The following CNTN5 variants were observed in gnomAD, a reference collection of about 807,000 sequenced individuals.
CNTN5 encodes the protein contactin-5.
CNTN5 carries 77 observed loss-of-function variants against 129.1 expected under a neutral mutation model. The observed-to-expected ratio is 0.60, with a 90% CI of 0.50 to 0.72. The LOEUF is 0.72. CNTN5 is among the 30% of genes least tolerant of loss of function. The pLI is 0.00. For synonymous variants in CNTN5, 509 were observed against 465.6 expected (o/e 1.09, Z -1.20); for missense variants, 1,478 against 1,328.8 (o/e 1.11, Z -1.75).
At chr11:99,930,280 A>G (rs1172102784) in intron 7 of CNTN5, among the ~76,000 whole-genome samples, 5 of 152,126 alleles carry the variant, frequency 3.3e-5, no homozygotes, top group Non-Finnish European at 7.4e-5. Context: ...AAAGGTCACA[A>G]TCTGCCATTT....
chr11:100,014,671 A>G (rs1359099595), intron 9 of CNTN5, among the ~76,000 whole-genome samples: 1 of 152,162 alleles, frequency 6.6e-6, no homozygotes, highest in African/African-American at 2.4e-5. Context: ...TGCTGCTTTC[A>G]TAGGCCCTGC....
chr11:99,648,234 T>A (rs908649395), intron 3 of CNTN5, among the ~76,000 whole-genome samples: 1 of 151,988 alleles, frequency 6.6e-6, no homozygotes, highest in African/African-American at 2.4e-5. Flanking sequence ...GTTTATTGAT[T>A]TGCATATCAT....
intron 1 of CNTN5, among the ~76,000 whole-genome samples, chr11:99,100,098 G>A (rs1484751335): frequency 6.6e-6 from 1 of 152,044 alleles, no homozygotes; most frequent in Non-Finnish European, 1.5e-5. Context: ...ATTTTATAAA[G>A]TAATGACCCA....
intron 3 of CNTN5, among the ~76,000 whole-genome samples, chr11:99,733,560 C>A (rs1338611645): frequency 6.6e-6 from 1 of 152,004 alleles, no homozygotes; most frequent in South Asian, 2.1e-4. Flanking sequence ...TTTGTCTCCA[C>A]AATTGCTTTT....
chr11:99,204,916 C>G (rs1478675623), intron 1 of CNTN5, among the ~76,000 whole-genome samples: 3 of 152,132 alleles, frequency 2.0e-5, no homozygotes, highest in Non-Finnish European at 1.5e-5. Flanking sequence ...GCTTTCTAAG[C>G]TTGATTGACA....
chr11:99,299,695 A>C (rs980111818), intron 1 of CNTN5, among the ~76,000 whole-genome samples: 1 of 152,114 alleles, frequency 6.6e-6, no homozygotes, highest in Non-Finnish European at 1.5e-5. Context: ...ATGGTCCCCA[A>C]CTCAATCCAT....
chr11:100,053,628 T>C (rs1592721), intron 9 of CNTN5, among the ~76,000 whole-genome samples: 72 of 151,878 alleles, frequency 4.7e-4, no homozygotes, highest in African/African-American at 1.7e-3. Context: ...GGTAGACATG[T>C]TAAATTATAC....
At chr11:99,152,266 C>T (rs556186190) in intron 1 of CNTN5, among the ~76,000 whole-genome samples, 1 of 152,230 alleles carries the variant, frequency 6.6e-6, no homozygotes, top group East Asian at 1.9e-4. Flanking sequence ...AGTATAGCAA[C>T]TTAAGAACTT....
intron 6 of CNTN5, among the ~76,000 whole-genome samples, chr11:99,864,567 T>C (rs561897997): frequency 1.7e-3 from 256 of 152,286 alleles, no homozygotes; most frequent in African/African-American, 6.0e-3. Context: ...CTCAGCTGCC[T>C]GGCATGCTGA....
At chr11:100,237,689 G>GA (rs946144243) in intron 16 of CNTN5, among the ~76,000 whole-genome samples, 21 of 151,466 alleles carry the variant, frequency 1.4e-4, no homozygotes, top group South Asian at 2.1e-4. Context: ...TTAATGCCAA[G>GA]AAAAAAAAGG....
chr11:99,118,824 A>G (rs200685511), intron 1 of CNTN5, among the ~76,000 whole-genome samples: 1 of 151,958 alleles, frequency 6.6e-6, no homozygotes, highest in Non-Finnish European at 1.5e-5. Flanking sequence ...AGAAAAATAG[A>G]TACAGAATAA....
intron 17 of CNTN5, among the ~76,000 whole-genome samples, chr11:100,270,296 A>C (rs959980936): frequency 2.0e-5 from 3 of 152,216 alleles, no homozygotes; most frequent in Non-Finnish European, 4.4e-5. Context: ...GAGTCCTCAA[A>C]TCAAAATCCC....
At chr11:100,063,848 C>G (rs909512851) in intron 10 of CNTN5, among the ~76,000 whole-genome samples, 4 of 152,068 alleles carry the variant, frequency 2.6e-5, no homozygotes, top group African/African-American at 9.7e-5. Flanking sequence ...TATAGTGCCT[C>G]TGTATTCCAG....
intron 20 of CNTN5, among the ~76,000 whole-genome samples, chr11:100,303,281 T>A (rs148012639): frequency 6.6e-6 from 1 of 151,504 alleles, no homozygotes; most frequent in Admixed American, 6.6e-5. Context: ...TTGGAAACAA[T>A]TCCATTTTTA....
intron 1 of CNTN5, among the ~76,000 whole-genome samples, chr11:99,267,918 A>G (rs1316464930): frequency 1.4e-4 from 16 of 117,188 alleles, no homozygotes; most frequent in South Asian, 5.5e-4. Context: ...ACACACACAC[A>G]CGCACACACA....
chr11:100,083,036 CTGGG>C (rs1944419166), intron 13 of CNTN5, among the ~76,000 whole-genome samples: 1 of 152,032 alleles, frequency 6.6e-6, no homozygotes. Flanking sequence ...GATAAGAAGG[CTGGG>C]TGCAGTGGTT....
At chr11:99,650,494 A>G (rs1328809496) in intron 3 of CNTN5, among the ~76,000 whole-genome samples, 1 of 151,940 alleles carries the variant, frequency 6.6e-6, no homozygotes, top group Non-Finnish European at 1.5e-5. Flanking sequence ...GCCAGATAGC[A>G]CCATAAGAAC....
At chr11:99,984,880 C>A (rs553507048) in intron 8 of CNTN5, among the ~76,000 whole-genome samples, 1 of 152,144 alleles carries the variant, frequency 6.6e-6, no homozygotes, top group African/African-American at 2.4e-5. Context: ...AACAGGGGCG[C>A]CCCGTTTACT....
intron 3 of CNTN5, among the ~76,000 whole-genome samples, chr11:99,597,242 T>A (rs1233329844): frequency 6.6e-6 from 1 of 152,136 alleles, no homozygotes; most frequent in East Asian, 1.9e-4. Context: ...TCACGGAATG[T>A]TCTTGGTTCT....
Sources: allele counts gnomAD v4.1 joint callset (sites outside exome capture counted in the v4.1 genomes callset), GRCh38; gene constraint gnomAD v4.1.1; transcripts MANE v1.5; gene names NCBI Gene and HGNC (gene_info 2026-07-23, HGNC 2026-07-21).